CYRIB: variants seen among roughly 807,000 people sequenced by gnomAD.
CYRIB encodes CYFIP-related Rac1 interactor B.
A neutral mutation model predicts 44.2 loss-of-function variants in CYRIB; 8 were observed. The observed-to-expected ratio is 0.18, with a 90% CI of 0.11 to 0.33. The LOEUF (loss-of-function observed/expected upper bound fraction) is 0.33, where lower values mean the gene tolerates loss of function less well. CYRIB is among the 10% of genes least tolerant of loss of function. The pLI is 1.00. For synonymous variants in CYRIB, 131 were observed against 127.2 expected, an observed-to-expected ratio of 1.03 and a Z score of -0.20; for missense variants, 185 against 382.8, an observed-to-expected ratio of 0.48 and a Z score of 4.31.
intron 2 of CYRIB, among the ~76,000 whole-genome samples, chr8:129,960,334 C>T (rs2095167576): frequency 1.3e-5 from 2 of 152,178 alleles, no homozygotes; most frequent in Non-Finnish European, 2.9e-5. Context: ...GTAGCTCGTA[C>T]CTGTAATCCC....
chr8:129,952,352 C>T (rs191568054), intron 2 of CYRIB, among the ~76,000 whole-genome samples: 2 of 152,274 alleles, frequency 1.3e-5, no homozygotes, highest in African/African-American at 4.8e-5. Flanking sequence ...TGAGCCACCA[C>T]ACCCGGCCAA....
At chr8:129,864,262 A>G (rs185139064) in intron 4 of CYRIB, among the ~76,000 whole-genome samples, 55 of 152,396 alleles carry the variant, frequency 3.6e-4, no homozygotes, top group Middle Eastern at 3.4e-3. Context: ...ATCTGACATT[A>G]CAACATGTAA....
chr8:129,870,378 C>A (rs561411451), intron 4 of CYRIB, among the ~76,000 whole-genome samples: 11 of 152,224 alleles, frequency 7.2e-5, no homozygotes, highest in Non-Finnish European at 1.0e-4. Context: ...CCACTGCACT[C>A]CGGCAGGGTG....
intron 1 of CYRIB, among the ~76,000 whole-genome samples, 182 bp from the exon 3 acceptor site, chr8:129,904,767 C>T (rs1444138608): frequency 6.6e-6 from 1 of 152,206 alleles, no homozygotes; most frequent in Non-Finnish European, 1.5e-5. Flanking sequence ...AATCCTTGTG[C>T]CTACTATCTC....
intron 1 of CYRIB, among the ~76,000 whole-genome samples, chr8:129,907,127 G>A (rs556881768): frequency 5.9e-5 from 9 of 152,306 alleles, no homozygotes; most frequent in Admixed American, 2.0e-4. Context: ...TACAAATCAT[G>A]CTGCTATAAA....
intron 2 of CYRIB, among the ~76,000 whole-genome samples, chr8:129,957,633 C>G (rs2131577867): frequency 6.6e-6 from 1 of 152,122 alleles, no homozygotes; most frequent in African/African-American, 2.4e-5. Context: ...GTGTTCCAGA[C>G]CAGCCTGGCC....
intron 2 of CYRIB, 58 bp from the exon 5 acceptor site, chr8:129,879,529 A>G (rs1401153008): frequency 7.9e-7 from 1 of 1,263,734 alleles, no homozygotes; most frequent in Non-Finnish European, 1.1e-6. Context: ...GAACATCTGA[A>G]GTTTACTTAA....
At chr8:129,904,326 T>C (rs369301568) in intron 1 of CYRIB, among the ~76,000 whole-genome samples, 173 bp downstream of exon 3, 1 of 152,012 alleles carries the variant, frequency 6.6e-6, no homozygotes, top group African/African-American at 2.4e-5. Flanking sequence ...TAAACAAACC[T>C]GAAAATTTGA....
At chr8:129,992,089 G>A (rs1417074366) in intron 1 of CYRIB, among the ~76,000 whole-genome samples, 2 of 151,914 alleles carry the variant, frequency 1.3e-5, no homozygotes, top group Non-Finnish European at 2.9e-5. Context: ...GCCTGGCTGA[G>A]GCATGCAGAG....
chr8:129,937,447 G>A (rs990327678), intron 1 of CYRIB, among the ~76,000 whole-genome samples: 3 of 152,192 alleles, frequency 2.0e-5, no homozygotes, highest in African/African-American at 7.2e-5. Flanking sequence ...TATTTACTAT[G>A]TAAAGATAAA....
chr8:129,906,960 G>A (rs1406590472), intron 1 of CYRIB, among the ~76,000 whole-genome samples: 1 of 152,314 alleles, frequency 6.6e-6, no homozygotes. Context: ...ACAGGTGCTG[G>A]AGAGGATGTG....
chr8:129,974,444 C>G (rs1015009403), intron 1 of CYRIB, among the ~76,000 whole-genome samples: 1 of 152,096 alleles, frequency 6.6e-6, no homozygotes, highest in Non-Finnish European at 1.5e-5. Context: ...TTCATGACTC[C>G]TGGGATGCTC....
At chr8:130,006,422 C>T (rs984905325) in intron 1 of CYRIB, among the ~76,000 whole-genome samples, 5 of 148,402 alleles carry the variant, frequency 3.4e-5, no homozygotes, top group African/African-American at 1.3e-4. Flanking sequence ...GTGAGTCCAG[C>T]TTGAGCAACG....
intron 2 of CYRIB, among the ~76,000 whole-genome samples, chr8:129,960,069 A>T (rs1312774147): frequency 6.6e-6 from 1 of 152,206 alleles, no homozygotes; most frequent in Non-Finnish European, 1.5e-5. Flanking sequence ...CAATTATCCC[A>T]TTTGAACTGG....
upstream of CYRIB, among the ~76,000 whole-genome samples, chr8:129,940,360 G>A (rs902651524): frequency 2.0e-5 from 3 of 152,252 alleles, no homozygotes; most frequent in Non-Finnish European, 2.9e-5. Flanking sequence ...GGCGCCCAGC[G>A]CCAGGAGACT....
At chr8:129,965,938 G>A (rs923296541) in intron 2 of CYRIB, among the ~76,000 whole-genome samples, 4 of 151,906 alleles carry the variant, frequency 2.6e-5, no homozygotes, top group African/African-American at 4.8e-5. Flanking sequence ...TGCAGCCTCC[G>A]CCTCCCAGAT....
upstream of CYRIB, among the ~76,000 whole-genome samples, chr8:129,942,362 C>T (rs1017479576): frequency 1.3e-5 from 2 of 152,068 alleles, no homozygotes; most frequent in African/African-American, 2.4e-5. Flanking sequence ...TAACAAAATA[C>T]AATGAGTCCT....
intron 2 of CYRIB, among the ~76,000 whole-genome samples, chr8:129,966,109 C>T (rs1401758229): frequency 6.6e-6 from 1 of 152,154 alleles, no homozygotes; most frequent in Non-Finnish European, 1.5e-5. Context: ...CTGCCTACCT[C>T]GGCTTCCAAA....
At chr8:129,982,939 G>C (rs2096293860) in intron 1 of CYRIB, among the ~76,000 whole-genome samples, 2 of 150,720 alleles carry the variant, frequency 1.3e-5, no homozygotes, top group Non-Finnish European at 2.9e-5. Context: ...TACATGTCCA[G>C]CTCTCCAAAA....
Sources: allele counts gnomAD v4.1 joint callset (sites outside exome capture counted in the v4.1 genomes callset), GRCh38; gene constraint gnomAD v4.1.1; transcripts MANE v1.5; gene names NCBI Gene and HGNC (gene_info 2026-07-23, HGNC 2026-07-21).